SEMA5A: variants seen among roughly 807,000 people sequenced by gnomAD.
The protein encoded by SEMA5A is semaphorin 5A, also known as semaphorin-5A.
In SEMA5A, 55 loss-of-function variants were observed where a neutral mutation model predicts 135.5. That is an observed-to-expected ratio of 0.41 (90% CI 0.33 to 0.51). The LOEUF is 0.51. SEMA5A is among the 20% of genes least tolerant of loss of function. The probability of loss-of-function intolerance (pLI) is 0.37; values close to 1 mark genes in which losing one functional copy is unlikely to be tolerated. For missense variants in SEMA5A, 1,290 were observed against 1,419.9 expected, an observed-to-expected ratio of 0.91 and a Z score of 1.47; for synonymous variants, 580 against 546.5, an observed-to-expected ratio of 1.06 and a Z score of -0.85.
chr5:9,287,112 C>A (rs762104600), intron 5 of SEMA5A, among the ~76,000 whole-genome samples: 2 of 152,202 alleles, frequency 1.3e-5, no homozygotes, highest in African/African-American at 4.8e-5. Context: ...CTCCCCCGTC[C>A]ACCTGCACTT....
intron 4 of SEMA5A, among the ~76,000 whole-genome samples, chr5:9,330,759 A>G (rs1361686486): frequency 6.6e-6 from 1 of 152,204 alleles, no homozygotes; most frequent in Non-Finnish European, 1.5e-5. Flanking sequence ...AGATAAGCCC[A>G]GAGAATCATA....
intron 1 of SEMA5A, among the ~76,000 whole-genome samples, chr5:9,443,043 G>A (rs1264178717): frequency 2.6e-5 from 4 of 152,160 alleles, no homozygotes; most frequent in East Asian, 1.9e-4. Flanking sequence ...ATAATGAAAC[G>A]CCATTCACTC....
At chr5:9,510,929 G>A (rs1299735079) in intron 1 of SEMA5A, among the ~76,000 whole-genome samples, 4 of 152,164 alleles carry the variant, frequency 2.6e-5, no homozygotes, top group Non-Finnish European at 5.9e-5. Context: ...CTGAACCATG[G>A]TCCATTCGGC....
intron 3 of SEMA5A, among the ~76,000 whole-genome samples, chr5:9,342,955 T>A (rs1023178753): frequency 1.4e-4 from 21 of 152,130 alleles, no homozygotes; most frequent in Admixed American, 9.2e-4. Context: ...ATACAGCACA[T>A]TTGGAAAATT....
intron 1 of SEMA5A, among the ~76,000 whole-genome samples, chr5:9,542,892 G>A (rs1396223371): frequency 6.6e-6 from 1 of 152,152 alleles, no homozygotes; most frequent in Admixed American, 6.6e-5. Flanking sequence ...ATGATCACTT[G>A]TCTACATAAT....
At chr5:9,314,150 T>C (rs1050210241) in intron 5 of SEMA5A, among the ~76,000 whole-genome samples, 1 of 152,160 alleles carries the variant, frequency 6.6e-6, no homozygotes, top group African/African-American at 2.4e-5. Context: ...GAGAAAAATA[T>C]TAACCTGAGA....
Position 9,463,498 on chromosome 5 carries a change from G to A in SEMA5A, c.-174-25646C>T, listed in dbSNP as rs547313178. On this transcript the variant is annotated intron_variant, in intron 1 of 22. Coordinates refer to ENST00000382496, the MANE Select transcript of SEMA5A (RefSeq NM_003966.3). Reference sequence around the variant, plus strand: ...AGTGGCAATCATTCTCTAAAGAAAAGGGGCCTTTATTCTGAGCCTGAGTAA... The same window carrying A: ...AGTGGCAATCATTCTCTAAAGAAAAAGGGCCTTTATTCTGAGCCTGAGTAA... Among the ~76,000 whole-genome samples the A allele has an allele frequency of 1.4e-4, 21 of 152,018 alleles. No homozygotes were observed. In the East Asian group the frequency reaches 4.1e-3, roughly 29 times the overall value.
At chr5:9,427,302 T>C (rs550761370) in intron 2 of SEMA5A, among the ~76,000 whole-genome samples, 23 of 151,510 alleles carry the variant, frequency 1.5e-4, no homozygotes, top group African/African-American at 5.6e-4. Context: ...CAGAGAAGAC[T>C]CTGTCTCGGG....
chr5:9,504,076 A>C (rs1300079174), intron 1 of SEMA5A, among the ~76,000 whole-genome samples: 1 of 151,706 alleles, frequency 6.6e-6, no homozygotes, highest in Non-Finnish European at 1.5e-5. Flanking sequence ...TTAGCCAGGC[A>C]TGGTGGCTCA....
At chr5:9,514,502 C>G (rs1341656621) in intron 1 of SEMA5A, among the ~76,000 whole-genome samples, 1 of 152,180 alleles carries the variant, frequency 6.6e-6, no homozygotes, top group Non-Finnish European at 1.5e-5. Flanking sequence ...ATACCAAAAT[C>G]CACAGATGCT....
At chr5:9,404,202 G>T (rs567881368) in intron 2 of SEMA5A, among the ~76,000 whole-genome samples, 1 of 152,278 alleles carries the variant, frequency 6.6e-6, no homozygotes, top group Non-Finnish European at 1.5e-5. Context: ...TCAAAGTGCT[G>T]GGATTACAGG....
At chr5:9,525,238 T>C (rs1206738056) in intron 1 of SEMA5A, among the ~76,000 whole-genome samples, 5 of 152,208 alleles carry the variant, frequency 3.3e-5, no homozygotes, top group Admixed American at 6.5e-5. Context: ...TGAGTAGTCA[T>C]GACAGAGACC....
chr5:9,079,902 T>C (rs992246754), intron 16 of SEMA5A, among the ~76,000 whole-genome samples: 5 of 152,144 alleles, frequency 3.3e-5, no homozygotes, highest in African/African-American at 1.2e-4. Context: ...AAACAACAGA[T>C]GCTAGAGAGG....
chr5:9,506,267 C>T lies in SEMA5A; in HGVS notation c.-175+39317G>A, dbSNP rs567773606. Among the ~76,000 whole-genome samples, 3 of 152,158 alleles carry T rather than the reference C, an allele frequency of 2.0e-5. No homozygotes were observed. In the East Asian group the frequency reaches 5.8e-4, roughly 29 times the overall value. On this transcript the variant is annotated intron_variant, in intron 1 of 22. Coordinates refer to ENST00000382496, the MANE Select transcript of SEMA5A (RefSeq NM_003966.3). The stretch of plus-strand genomic sequence containing the variant: ...ATTGGTGAGGAGTTGCTAAAGTTGC[C>T]CGATTTCTTAGTTTGTTTATATCTG...
intron 1 of SEMA5A, among the ~76,000 whole-genome samples, chr5:9,479,816 C>T (rs1430039283): frequency 1.3e-5 from 2 of 152,192 alleles, no homozygotes; most frequent in African/African-American, 2.4e-5. Context: ...CACTCCCTCA[C>T]TAGCATCACC....
chr5:9,220,865 A>G (rs1197739597), intron 8 of SEMA5A, among the ~76,000 whole-genome samples: 1 of 152,246 alleles, frequency 6.6e-6, no homozygotes, highest in Non-Finnish European at 1.5e-5. Context: ...GGGGAGAACC[A>G]CAGCAGCGCC....
intron 16 of SEMA5A, among the ~76,000 whole-genome samples, chr5:9,102,725 T>C (rs180780436): frequency 6.6e-6 from 1 of 152,302 alleles, no homozygotes; most frequent in African/African-American, 2.4e-5. Context: ...TATTAAAATT[T>C]ATACGAAAAT....
chr5:9,338,345 C>G (rs1753489578), intron 3 of SEMA5A, among the ~76,000 whole-genome samples: 2 of 152,154 alleles, frequency 1.3e-5, no homozygotes, highest in Admixed American at 1.3e-4. Context: ...TCCGACCTTT[C>G]TAGATGAGAA....
chr5:9,248,703 AGAG>A (rs1034980963), intron 5 of SEMA5A, among the ~76,000 whole-genome samples: 2 of 152,182 alleles, frequency 1.3e-5, no homozygotes, highest in African/African-American at 4.8e-5. Context: ...CGGAGCATAC[AGAG>A]GAGAAGGAAA....
Sources: gnomAD v4.1 joint callset for allele counts (sites outside exome capture counted in the v4.1 genomes callset) on GRCh38, gnomAD v4.1.1 for gene constraint, MANE v1.5 for transcripts, NCBI Gene and HGNC (gene_info 2026-07-23, HGNC 2026-07-21) for gene names.